WWC1: variants seen among roughly 807,000 people sequenced by gnomAD.
The protein encoded by WWC1 is WW and C2 domain containing 1.
Under a neutral mutation model 138.4 loss-of-function variants are expected in WWC1, and 55 were observed. The observed-to-expected ratio is 0.40, with a 90% CI of 0.32 to 0.50. The LOEUF (loss-of-function observed/expected upper bound fraction) is 0.50. Among genes scored for constraint, WWC1 ranks in the 20% least tolerant of loss-of-function variants. The pLI is 0.72. For missense variants in WWC1, 1,226 were observed against 1,420.4 expected (o/e 0.86, Z 2.20); for synonymous variants, 524 against 564.9 (o/e 0.93, Z 1.03).
rs1289372968 is a variant in WWC1, at chr5:168,472,097, C to T, written c.*3080C>T. 1 of 152,218 alleles carries T rather than the reference C, an allele frequency of 6.6e-6. No homozygotes were observed. The highest frequency in any genetic ancestry group is 2.4e-5 in the African/African-American group (1 of 41,458). The allele number at this position is 152,218 out of a possible 1,614,324, so 9.4% of individuals were successfully genotyped here. On this transcript the variant is annotated 3_prime_UTR_variant, in exon 23 of 23. Transcript: ENST00000265293. ...TAGGAAAAGCTACATGGAGCAAATCCTCCTGCCTGAAGAAGTGCATCTCAG... is the reference window on the plus strand; with the variant it reads ...TAGGAAAAGCTACATGGAGCAAATCTTCCTGCCTGAAGAAGTGCATCTCAG...
At chr5:168,399,832 A>T (rs142803700) in intron 5 of WWC1, among the ~76,000 whole-genome samples, 54 of 152,108 alleles carry the variant, frequency 3.6e-4, no homozygotes, top group African/African-American at 9.2e-4. Flanking sequence ...GATTTGTTCC[A>T]CTCAGCCGAG....
intron 3 of WWC1, among the ~76,000 whole-genome samples, chr5:168,391,637 C>T (rs1368358408): frequency 4.0e-5 from 5 of 126,144 alleles, no homozygotes; most frequent in African/African-American, 1.5e-4. Context: ...CCAGCCTGGG[C>T]AACAGAGCAA....
At chr5:168,326,952 G>A (rs1380814396) in intron 1 of WWC1, among the ~76,000 whole-genome samples, 1 of 152,202 alleles carries the variant, frequency 6.6e-6, no homozygotes, top group South Asian at 2.1e-4. Context: ...AGAGCCTTTG[G>A]TGGTTGAGGT....
At chr5:168,304,039 T>C (rs1770325405) in intron 1 of WWC1, among the ~76,000 whole-genome samples, 1 of 152,246 alleles carries the variant, frequency 6.6e-6, no homozygotes, top group African/African-American at 2.4e-5. Flanking sequence ...CTTCATTTCT[T>C]CACCGGCAAA....
Position 168,464,758 on chromosome 5 carries a change from G to T in WWC1, c.2946G>T (p.Glu982Asp). Residue 982 changes from glutamate to aspartate, a missense_variant, in exon 21 of 23, where the codon GAG becomes GAT. Glu to Asp is a conservative substitution (Grantham distance 45). Around this residue, in one of 3 missense-constraint regions of WWC1, gnomAD observed 206 missense variants for 247.4 expected, o/e 0.83. Transcript: ENST00000265293. ...RPSSVKSLRSERLIRTSLDLE... is the reference protein window; with the variant it reads ...RPSSVKSLRSDRLIRTSLDLE... Reference sequence around the variant, plus strand: ...CCTCGGTCAAGTCGCTGCGCTCCGAGCGTCTGATCCGTACCTCGCTGGACC... The same window carrying T: ...CCTCGGTCAAGTCGCTGCGCTCCGATCGTCTGATCCGTACCTCGCTGGACC... 1 of 1,614,186 alleles carries T rather than the reference G, an allele frequency of 6.2e-7. No homozygotes were observed. The highest frequency in any genetic ancestry group is 8.5e-7 in the Non-Finnish European group (1 of 1,180,042).
chr5:168,360,783 C>T (rs767506794), intron 1 of WWC1, among the ~76,000 whole-genome samples: 5 of 152,228 alleles, frequency 3.3e-5, no homozygotes, highest in East Asian at 1.9e-4. Flanking sequence ...AAAGTCTTCA[C>T]GGTCAATTCC....
intron 4 of WWC1, 131 bp from the exon 5 acceptor site, chr5:168,399,357 G>A (rs892160397): frequency 2.6e-5 from 22 of 842,830 alleles, no homozygotes; most frequent in Admixed American, 1.4e-4. Flanking sequence ...CCAGTGTGGC[G>A]CAAGGGGTGC....
intron 5 of WWC1, among the ~76,000 whole-genome samples, chr5:168,400,595 A>C (rs76476901): frequency 0.014 from 2,080 of 152,284 alleles, 51 homozygotes; most frequent in African/African-American, 0.047. Context: ...GCTTTGTTAT[A>C]TAACTACCCC....
intron 15 of WWC1, among the ~76,000 whole-genome samples, chr5:168,432,007 G>C (rs1781986426): frequency 6.7e-6 from 1 of 148,940 alleles, no homozygotes; most frequent in Non-Finnish European, 1.5e-5. Context: ...AGCTGATCAT[G>C]CCGCAGCATT....
intron 17 of WWC1, among the ~76,000 whole-genome samples, chr5:168,445,063 C>T (rs931129213): frequency 6.6e-6 from 1 of 152,092 alleles, no homozygotes; most frequent in Non-Finnish European, 1.5e-5. Flanking sequence ...TGCCTGTAGT[C>T]CCAGCACTTT....
chr5:168,466,232 C>G (rs1313933481), intron 21 of WWC1, among the ~76,000 whole-genome samples: 1 of 152,114 alleles, frequency 6.6e-6, no homozygotes, highest in Non-Finnish European at 1.5e-5. Context: ...CACCAGCAGG[C>G]TTTTAAGCCA....
At chr5:168,407,899 A>G (rs924423681) in intron 6 of WWC1, among the ~76,000 whole-genome samples, 11 of 151,374 alleles carry the variant, frequency 7.3e-5, no homozygotes, top group African/African-American at 2.4e-4. Flanking sequence ...GTCTCGCTCT[A>G]TCACCCAGGC....
intron 11 of WWC1, 87 bp downstream of exon 11, chr5:168,424,155 C>T (rs1036023282): frequency 3.4e-6 from 5 of 1,459,968 alleles, no homozygotes; most frequent in African/African-American, 2.8e-5. Flanking sequence ...TCATTCTAGT[C>T]GATATTTACT....
At chr5:168,453,705 C>A (rs1756040935) in intron 17 of WWC1, among the ~76,000 whole-genome samples, 2 of 152,110 alleles carry the variant, frequency 1.3e-5, no homozygotes, top group African/African-American at 4.8e-5. Flanking sequence ...ACCACCATGC[C>A]TGGCTAATTT....
chr5:168,294,461 A>G (rs912659245), intron 1 of WWC1, among the ~76,000 whole-genome samples: 2 of 152,180 alleles, frequency 1.3e-5, no homozygotes, highest in Non-Finnish European at 2.9e-5. Context: ...TTAGCTAGGT[A>G]CTGTGGCCAG....
intron 2 of WWC1, among the ~76,000 whole-genome samples, chr5:168,379,840 T>C (rs1582094480): frequency 6.6e-6 from 1 of 152,156 alleles, no homozygotes; most frequent in African/African-American, 2.4e-5. Context: ...CCTCACACCA[T>C]GTGTAAAACT....
intron 3 of WWC1, among the ~76,000 whole-genome samples, chr5:168,388,611 AT>A (rs1470456257): frequency 6.6e-6 from 1 of 152,014 alleles, no homozygotes; most frequent in Non-Finnish European, 1.5e-5. Context: ...AGGTGGATCA[AT>A]TGAGGTCAGG....
In WWC1 at chr5:168,455,386, G is replaced by T. The variant is rs566453028; in HGVS notation, c.2689G>T (p.Ala897Ser). 1 of 1,596,946 alleles carries T rather than the reference G, an allele frequency of 6.3e-7. No individual in the cohort carries two copies. The highest frequency in any genetic ancestry group is 1.1e-5 in the South Asian group (1 of 88,302). ...CAAAGAGACCAACACGGAGACCCCG[G>T]CCCCATCCCCCACAGTGGTGCGACC... is the stretch of plus-strand genomic sequence containing the variant. ...VDKETNTETP[A>S]PSPTVVRPKD... Residue 897 changes from alanine to serine, a missense_variant, in exon 19 of 23, where the codon GCC (alanine) becomes TCC (serine). Physicochemically the swap from Ala to Ser is moderately conservative, Grantham distance 99. Around this residue, in one of 3 missense-constraint regions of WWC1, gnomAD observed 1,016 missense variants for 1,153.9 expected, o/e 0.88. Coordinates refer to ENST00000265293, the MANE Select transcript of WWC1 (RefSeq NM_015238.3).
At chr5:168,334,745 A>T (rs879849032) in intron 1 of WWC1, among the ~76,000 whole-genome samples, 4 of 152,234 alleles carry the variant, frequency 2.6e-5, no homozygotes, top group Admixed American at 6.5e-5. Flanking sequence ...CAACTGAATG[A>T]ATCAATGACT....
Sources: gnomAD v4.1 joint callset for allele counts (sites outside exome capture counted in the v4.1 genomes callset) on GRCh38, gnomAD v4.1.1 for gene constraint, gnomAD v4.1.1 regional missense constraint, MANE v1.5 for transcripts, NCBI Gene and HGNC (gene_info 2026-07-23, HGNC 2026-07-21) for gene names.